The following MYO1D variants were observed in gnomAD, a reference collection of about 807,000 sequenced individuals.
MYO1D encodes unconventional myosin-Id.
MYO1D carries 83 observed loss-of-function variants against 122.0 expected under a neutral mutation model. That is an observed-to-expected ratio of 0.68 (90% CI 0.57 to 0.82). MYO1D has a LOEUF of 0.82. MYO1D is among the 40% of genes least tolerant of loss of function. The probability of loss-of-function intolerance (pLI) is 0.00; values close to 1 mark genes in which losing one functional copy is unlikely to be tolerated. For synonymous variants in MYO1D, 464 were observed against 446.9 expected (o/e 1.04, Z -0.48); for missense variants, 1,157 against 1,269.5 (o/e 0.91, Z 1.35).
rs760151217 is a variant in MYO1D at position 32,856,464 on chromosome 17, GTC to G, written c.95+20312_95+20313del. On this transcript the variant is annotated intron_variant, in intron 1 of 21. Transcript: ENST00000318217. ...CACTTCTTGAAAGCAATATCACTCA[GTC>G]TCTAGTTGTTCACCCCTACTGACTA... Among the ~76,000 whole-genome samples, 49 of 152,128 alleles carry G rather than the reference GTC, an allele frequency of 3.2e-4. 1 individual carries two copies. Among genetic ancestry groups the G allele is most frequent in the Non-Finnish European group, 4.4e-5 (3 of 68,028 alleles).
At chr17:32,601,138 T>C (rs1270223954) in intron 21 of MYO1D, among the ~76,000 whole-genome samples, 1 of 152,126 alleles carries the variant, frequency 6.6e-6, no homozygotes, top group Non-Finnish European at 1.5e-5. Context: ...CTCACTATGT[T>C]GCGCAGACCT....
At chr17:32,649,082 T>C (rs2088345022) in intron 19 of MYO1D, among the ~76,000 whole-genome samples, 1 of 152,250 alleles carries the variant, frequency 6.6e-6, no homozygotes, top group African/African-American at 2.4e-5. Flanking sequence ...TTTGTGCTAT[T>C]GTTATCATAA....
chr17:32,808,934 A>T (rs142383924), intron 1 of MYO1D, among the ~76,000 whole-genome samples: 1 of 152,344 alleles, frequency 6.6e-6, no homozygotes, highest in African/African-American at 2.4e-5. Flanking sequence ...GAAATTTTGT[A>T]TGCAAATTTT....
chr17:32,754,126 T>C (rs1954749311), intron 11 of MYO1D, among the ~76,000 whole-genome samples: 1 of 152,198 alleles, frequency 6.6e-6, no homozygotes, highest in African/African-American at 2.4e-5. Context: ...TACCATCTGG[T>C]AGGCACCGTG....
At chr17:32,587,402 C>T (rs2087397939) in intron 21 of MYO1D, among the ~76,000 whole-genome samples, 1 of 151,742 alleles carries the variant, frequency 6.6e-6, no homozygotes, top group Admixed American at 6.6e-5. Flanking sequence ...ATCCCAGCTA[C>T]TCGGGAGGCT....
At chr17:32,550,470 T>A in intron 21 of MYO1D, among the ~76,000 whole-genome samples, 1 of 152,166 alleles carries the variant, frequency 6.6e-6, no homozygotes, top group East Asian at 1.9e-4. Context: ...GTGTTCACTG[T>A]CTCATGATCT....
At chr17:32,562,449 T>A (rs1209450844) in intron 21 of MYO1D, among the ~76,000 whole-genome samples, 2 of 152,182 alleles carry the variant, frequency 1.3e-5, no homozygotes, top group Non-Finnish European at 2.9e-5. Flanking sequence ...GTGCCCATAT[T>A]TCTGATTATT....
chr17:32,611,463 G>GA (rs61273213), intron 20 of MYO1D, among the ~76,000 whole-genome samples: 31,132 of 152,012 alleles, frequency 0.2, 3,711 homozygotes, highest in African/African-American at 0.32. Flanking sequence ...TAGAATAAAG[G>GA]AAAAAATCTT....
chr17:32,772,709 A>G lies in MYO1D; in HGVS notation c.618+80T>C, dbSNP rs903997400. On this transcript the variant is annotated intron_variant, in intron 5 of 21. Transcript: ENST00000318217. ...AATGGAGATGAGTGATGCATAGGAC[A>G]GGGGAAAGCCCAAGACACAAATACT... 9.2e-6 allele frequency: 11 copies of G among 1,193,134 alleles called. 1 individual carries two copies. The South Asian group carries it at 1.3e-4, about 15-fold the overall frequency. The allele number at this position is 1,193,134 out of a possible 1,614,324, so 73.9% of individuals were successfully genotyped here.
At chr17:32,702,187 T>G (rs1259799313) in intron 16 of MYO1D, among the ~76,000 whole-genome samples, 1 of 152,234 alleles carries the variant, frequency 6.6e-6, no homozygotes, top group African/African-American at 2.4e-5. Context: ...GAGTTTTACA[T>G]GCTTCTGTTA....
intron 21 of MYO1D, among the ~76,000 whole-genome samples, chr17:32,522,040 C>T (rs1437611166): frequency 7.3e-6 from 1 of 137,066 alleles, no homozygotes; most frequent in East Asian, 2.2e-4. Flanking sequence ...TGAGATCATG[C>T]CATTGCACTC....
At chr17:32,673,054 T>A (rs2088744660) in intron 16 of MYO1D, among the ~76,000 whole-genome samples, 1 of 149,668 alleles carries the variant, frequency 6.7e-6, no homozygotes, top group African/African-American at 2.4e-5. Flanking sequence ...CATTAACTTC[T>A]GGTTGACCAT....
chr17:32,504,545 G>C (rs1909430079), intron 21 of MYO1D: 1 of 152,260 alleles, frequency 6.6e-6, no homozygotes, highest in Non-Finnish European at 1.5e-5. Context: ...GCGACACACA[G>C]ACTGATACCG....
At chr17:32,601,468 G>A (rs953526378) in intron 21 of MYO1D, among the ~76,000 whole-genome samples, 5 of 152,126 alleles carry the variant, frequency 3.3e-5, no homozygotes, top group African/African-American at 1.2e-4. Flanking sequence ...ACAGTTTGTG[G>A]TGCCCTGAAA....
At chr17:32,828,238 C>T (rs548631139) in intron 1 of MYO1D, among the ~76,000 whole-genome samples, 3 of 152,156 alleles carry the variant, frequency 2.0e-5, no homozygotes, top group Admixed American at 1.3e-4. Context: ...GACAGGAGGC[C>T]GGGCGCAGTG....
intron 16 of MYO1D, among the ~76,000 whole-genome samples, chr17:32,669,044 G>GA (rs925202390): frequency 2.0e-5 from 3 of 152,120 alleles, no homozygotes; most frequent in South Asian, 4.1e-4. Context: ...TAACAGAATT[G>GA]AAAAAAACCA....
chr17:32,550,928 T>C (rs1000540318), intron 21 of MYO1D, among the ~76,000 whole-genome samples: 1 of 151,870 alleles, frequency 6.6e-6, no homozygotes, highest in Non-Finnish European at 1.5e-5. Context: ...GGAGCTATGA[T>C]TGTACCATTG....
Position 32,735,470 on chromosome 17 carries a change from G to A in MYO1D, c.1746+2783C>T, listed in dbSNP as rs146629589. Reference sequence around the variant, plus strand: ...AGTGCTGGGATTACAGGTATAAGCCGCCATGTCTGGCCTTGATGTATACTT... The same window carrying A: ...AGTGCTGGGATTACAGGTATAAGCCACCATGTCTGGCCTTGATGTATACTT... On this transcript the variant is annotated intron_variant, in intron 14 of 21. Coordinates refer to ENST00000318217, the MANE Select transcript of MYO1D (RefSeq NM_015194.3). Among the ~76,000 whole-genome samples the A allele has an allele frequency of 2.3e-3, 349 of 152,210 alleles. 1 individual carries two copies. Among genetic ancestry groups the A allele is most frequent in the African/African-American group, 7.5e-3 (310 of 41,540 alleles).
At chr17:32,496,109 C>T (rs570833366) in intron 21 of MYO1D, 1 of 152,320 alleles carries the variant, frequency 6.6e-6, no homozygotes, top group Non-Finnish European at 1.5e-5. Flanking sequence ...ACTTTCTAAG[C>T]ACTGGTTGCC....
Sources: allele counts gnomAD v4.1 joint callset (sites outside exome capture counted in the v4.1 genomes callset), GRCh38; gene constraint gnomAD v4.1.1; transcripts MANE v1.5; gene names NCBI Gene and HGNC (gene_info 2026-07-23, HGNC 2026-07-21).